Variants in RASSF3 observed in about 807,000 individuals in gnomAD.
The protein encoded by RASSF3 is Ras association domain family member 3.
RASSF3 carries 19 observed loss-of-function variants against 19.9 expected under a neutral mutation model. The observed-to-expected ratio is 0.96, with a 90% CI of 0.67 to 1.40. RASSF3 has a LOEUF of 1.40. RASSF3 is among the 40% of genes most tolerant of loss of function. RASSF3 has a pLI of 0.00. For synonymous variants in RASSF3, 110 were observed against 104.2 expected, an observed-to-expected ratio of 1.06 and a Z score of -0.34; for missense variants, 306 against 289.8, an observed-to-expected ratio of 1.06 and a Z score of -0.41.
intron 1 of RASSF3, among the ~76,000 whole-genome samples, chr12:64,651,834 T>G (rs1055446086): frequency 2.0e-5 from 3 of 152,078 alleles, no homozygotes; most frequent in Non-Finnish European, 2.9e-5. Context: ...GGCTAATTCT[T>G]GCATTTTTCT....
chr12:64,514,409 T>C (rs1406313941), intron 1 of RASSF3, among the ~76,000 whole-genome samples: 1 of 151,752 alleles, frequency 6.6e-6, no homozygotes, highest in Non-Finnish European at 1.5e-5. Flanking sequence ...ATGGTCCCGA[T>C]CTCTTGACCT....
chr12:64,637,057 G>T (rs1871350669), intron 1 of RASSF3, among the ~76,000 whole-genome samples: 1 of 152,060 alleles, frequency 6.6e-6, no homozygotes, highest in African/African-American at 2.4e-5. Flanking sequence ...AATATAATAT[G>T]ATGCAATTTG....
chr12:64,599,711 G>T (rs1250579280), intron 2 of RASSF3, among the ~76,000 whole-genome samples: 1 of 152,108 alleles, frequency 6.6e-6, no homozygotes, highest in Non-Finnish European at 1.5e-5. Context: ...GTGTTAGGAG[G>T]ATTAAATGAG....
chr12:64,566,131 G>A lies in RASSF3; in HGVS notation c.294+24426G>A, dbSNP rs1207456377. On this transcript the variant is annotated intron_variant, in intron 2 of 5. Transcript: ENST00000637125. ...CAGGAGAATCGTTTGGACCCGGGAG[G>A]CAGAGGTTGCAGTGAGCCGAGATTG... Among the ~76,000 whole-genome samples, 3 of 152,044 alleles carry A rather than the reference G, an allele frequency of 2.0e-5. No individual in the cohort carries two copies. The East Asian group carries it at 5.8e-4, about 29-fold the overall frequency.
At chr12:64,661,183 A>T (rs1480098866) in intron 1 of RASSF3, among the ~76,000 whole-genome samples, 2 of 152,222 alleles carry the variant, frequency 1.3e-5, no homozygotes, top group East Asian at 3.8e-4. Context: ...AACAATGCTT[A>T]GATACAATGA....
intron 2 of RASSF3, among the ~76,000 whole-genome samples, chr12:64,595,922 C>T (rs1405854435): frequency 1.3e-5 from 2 of 152,134 alleles, no homozygotes; most frequent in African/African-American, 4.8e-5. Flanking sequence ...TCTCCAAAGC[C>T]AGCCATAAAA....
chr12:64,663,681 T>A lies in RASSF3; in HGVS notation c.112-21106T>A, dbSNP rs149896958. Among the ~76,000 whole-genome samples the A allele has an allele frequency of 4.7e-3, 711 of 152,080 alleles. 11 individuals are homozygous for A. The highest frequency in any genetic ancestry group is 0.016 in the African/African-American group (660 of 41,478). On this transcript the variant is annotated intron_variant, in intron 1 of 4. Coordinates refer to ENST00000542104, the MANE Select transcript of RASSF3 (RefSeq NM_178169.4). ...CCACCATGCCCGGCTAATTTTTGTA[T>A]TTTTACTAGAGATGGGGTTTCACCA...
At chr12:64,604,365 A>G (rs1433598530) in intron 2 of RASSF3, among the ~76,000 whole-genome samples, 1 of 152,126 alleles carries the variant, frequency 6.6e-6, no homozygotes, top group Admixed American at 6.6e-5. Flanking sequence ...CGTTCAAGCT[A>G]TCTGCCTGCC....
rs57235286 is a variant in RASSF3, at chr12:64,634,762, T to TAA, written c.111+24046_111+24047dup. ...CACGACACAGCGAGACACCATCTCATAAAAAAAAAAAAAAAAAAAAAAAAA... is the reference window on the plus strand; with the variant it reads ...CACGACACAGCGAGACACCATCTCATAAAAAAAAAAAAAAAAAAAAAAAAAAA... On this transcript the variant is annotated intron_variant, in intron 1 of 4. Transcript: ENST00000542104. Among the ~76,000 whole-genome samples the TAA allele has an allele frequency of 1.9e-3, 174 of 90,960 alleles. 5 individuals are homozygous for TAA. Among genetic ancestry groups the TAA allele is most frequent in the African/African-American group, 5.6e-3 (147 of 26,458 alleles). 59.7% of individuals were successfully genotyped at this position (90,960 alleles called of 152,430 possible). A position where few individuals can be genotyped will look rare whatever the true frequency, so the allele number is the denominator to read the frequency against.
intron 1 of RASSF3, among the ~76,000 whole-genome samples, chr12:64,517,244 T>G (rs548885894): frequency 1.3e-5 from 2 of 152,136 alleles, no homozygotes; most frequent in South Asian, 2.1e-4. Flanking sequence ...TAAAATATGA[T>G]TTACATAGAA....
chr12:64,691,366 GTAACTTGGA>G (rs1312964241), intron 3 of RASSF3, 95 bp from the exon 4 acceptor site: 34 of 748,302 alleles, frequency 4.5e-5, no homozygotes, highest in Admixed American at 4.5e-4. Flanking sequence ...AGAGGCTGGG[GTAACTTGGA>G]TGGTTACCTT....
intron 1 of RASSF3, among the ~76,000 whole-genome samples, chr12:64,614,401 T>C (rs1870482395): frequency 6.6e-6 from 1 of 152,110 alleles, no homozygotes; most frequent in Admixed American, 6.5e-5. Context: ...GTGCTGGGAT[T>C]ACAGGCGTGA....
intron 2 of RASSF3, among the ~76,000 whole-genome samples, chr12:64,592,573 G>A (rs1403077827): frequency 2.0e-5 from 3 of 152,084 alleles, no homozygotes; most frequent in African/African-American, 4.8e-5. Flanking sequence ...CCAAACAACC[G>A]TATGTGAGAA....
chr12:64,595,715 G>A (rs1869989603), intron 2 of RASSF3, among the ~76,000 whole-genome samples: 1 of 152,142 alleles, frequency 6.6e-6, no homozygotes, highest in Non-Finnish European at 1.5e-5. Context: ...ACTGAAATGT[G>A]TTTGATTGTT....
intron 1 of RASSF3, among the ~76,000 whole-genome samples, chr12:64,657,829 C>T (rs1395142569): frequency 2.0e-5 from 3 of 152,206 alleles, no homozygotes; most frequent in Non-Finnish European, 4.4e-5. Flanking sequence ...CCTAGCACTT[C>T]CCAGTACTTT....
intron 2 of RASSF3, among the ~76,000 whole-genome samples, chr12:64,549,657 T>A (rs1338756594): frequency 6.6e-6 from 1 of 152,126 alleles, no homozygotes; most frequent in Non-Finnish European, 1.5e-5. Flanking sequence ...GCTCCCCTCC[T>A]GTGGGGGGTG....
chr12:64,520,997 A>T (rs1055772040), intron 1 of RASSF3, among the ~76,000 whole-genome samples: 1 of 152,166 alleles, frequency 6.6e-6, no homozygotes. Context: ...ACTAAGCCAC[A>T]TTTACGGCAC....
chr12:64,692,300 G>A (rs1409738668), intron 4 of RASSF3, among the ~76,000 whole-genome samples: 1 of 152,126 alleles, frequency 6.6e-6, no homozygotes, highest in Non-Finnish European at 1.5e-5. Flanking sequence ...GGGTTTCTAG[G>A]TTAAAAGTTA....
intron 2 of RASSF3, among the ~76,000 whole-genome samples, chr12:64,567,372 C>A (rs1869448567): frequency 6.6e-6 from 1 of 152,186 alleles, no homozygotes; most frequent in Non-Finnish European, 1.5e-5. Flanking sequence ...CCTCTGGTTC[C>A]TGGGCACACA....
Sources: allele counts gnomAD v4.1 joint callset (sites outside exome capture counted in the v4.1 genomes callset), GRCh38; gene constraint gnomAD v4.1.1; transcripts MANE v1.5; gene names NCBI Gene and HGNC (gene_info 2026-07-23, HGNC 2026-07-21).